Variants in ASF1A observed in about 807,000 individuals in gnomAD.
The protein encoded by ASF1A is anti-silencing function 1A histone chaperone.
In ASF1A, 5 loss-of-function variants were observed where a neutral mutation model predicts 22.0. The observed-to-expected ratio is 0.23, with a 90% CI of 0.12 to 0.48. ASF1A has a LOEUF of 0.48. Among genes scored for constraint, ASF1A ranks in the 20% least tolerant of loss-of-function variants. The probability of loss-of-function intolerance (pLI) is 0.99; values close to 1 mark genes in which losing one functional copy is unlikely to be tolerated. For synonymous variants in ASF1A, 97 were observed against 86.7 expected (o/e 1.12, Z -0.66); for missense variants, 137 against 240.6 (o/e 0.57, Z 2.85).
intron 2 of ASF1A, among the ~76,000 whole-genome samples, chr6:118,904,332 G>T (rs55862415): frequency 1.3e-5 from 2 of 152,304 alleles, no homozygotes; most frequent in Non-Finnish European, 2.9e-5. Flanking sequence ...TCATCTACCT[G>T]TGTTAGGCAT....
intron 1 of ASF1A, among the ~76,000 whole-genome samples, chr6:118,897,133 A>G (rs1779476066): frequency 6.6e-6 from 1 of 152,128 alleles, no homozygotes; most frequent in Non-Finnish European, 1.5e-5. Context: ...CACTGCACCC[A>G]GCCCAAACTA....
rs531556295 is a variant in ASF1A at position 118,906,600 on chromosome 6, G to A, written c.402+772G>A. Among the ~76,000 whole-genome samples the A allele has an allele frequency of 5.3e-5, 8 of 152,214 alleles. No homozygotes were observed. In the South Asian group the frequency reaches 1.5e-3, roughly 28 times the overall value. ...TACGGTTATCTCAAAACACCTATAC[G>A]CTTTATCTGCTATTCTTAGAAGTTA... On this transcript the variant is annotated intron_variant, in intron 3 of 3. Coordinates refer to ENST00000229595, the MANE Select transcript of ASF1A (RefSeq NM_014034.3).
chr6:118,897,139 A>G (rs1447674468), intron 1 of ASF1A, among the ~76,000 whole-genome samples: 1 of 152,124 alleles, frequency 6.6e-6, no homozygotes, highest in Non-Finnish European at 1.5e-5. Context: ...ACCCAGCCCA[A>G]ACTATAGAAT....
chr6:118,895,151 C>T (rs1324275193), intron 1 of ASF1A, among the ~76,000 whole-genome samples: 3 of 152,020 alleles, frequency 2.0e-5, no homozygotes, highest in Non-Finnish European at 2.9e-5. Flanking sequence ...TTTCTGGCTT[C>T]CTCGACCAAC....
intron 3 of ASF1A, among the ~76,000 whole-genome samples, chr6:118,906,520 T>G (rs536394109): frequency 1.4e-4 from 21 of 152,340 alleles, no homozygotes; most frequent in Admixed American, 9.8e-4. Flanking sequence ...GATGATATTT[T>G]TGTGTGTAAC....
intron 3 of ASF1A, among the ~76,000 whole-genome samples, chr6:118,907,148 T>C (rs113777458): frequency 1.5e-3 from 231 of 152,290 alleles, no homozygotes; most frequent in Non-Finnish European, 2.9e-3. Flanking sequence ...AGGAGTTAAA[T>C]AGTTAAAAAG....
intron 3 of ASF1A, among the ~76,000 whole-genome samples, chr6:118,907,104 TGAG>T (rs1250812472): frequency 2.0e-5 from 3 of 152,210 alleles, no homozygotes; most frequent in Admixed American, 6.5e-5. Flanking sequence ...TTTTCAAAAA[TGAG>T]GAGATTCTTT....
chr6:118,898,311 T>A (rs1200154293), intron 1 of ASF1A, among the ~76,000 whole-genome samples: 2 of 152,206 alleles, frequency 1.3e-5, no homozygotes, highest in Non-Finnish European at 2.9e-5. Context: ...AAATTATGGC[T>A]ATGTTCCTAT....
intron 2 of ASF1A, among the ~76,000 whole-genome samples, chr6:118,902,720 C>T (rs1025419732): frequency 3.9e-5 from 6 of 152,110 alleles, no homozygotes; most frequent in African/African-American, 7.2e-5. Flanking sequence ...ACCTTGGTGT[C>T]AGTGTACATG....
At chr6:118,899,546 A>G (rs965513666) in intron 1 of ASF1A, among the ~76,000 whole-genome samples, 2 of 152,182 alleles carry the variant, frequency 1.3e-5, no homozygotes, top group Non-Finnish European at 2.9e-5. Context: ...AGCACCCTGC[A>G]TCTGGAAGTG....
chr6:118,894,315 C>A lies in ASF1A; in HGVS notation c.-99C>A, dbSNP rs1042525363. On this transcript the variant is annotated 5_prime_UTR_variant, in exon 1 of 4. Coordinates refer to ENST00000229595, the MANE Select transcript of ASF1A (RefSeq NM_014034.3). ...TCGCCGCTGCACGACGTCTGGCCGG[C>A]GCTGGAGCGGGGGTCTGCGCTCTCC... The A allele has an allele frequency of 1.5e-4, 222 of 1,508,386 alleles. No homozygotes were observed. The highest frequency in any genetic ancestry group is 8.8e-4 in the Middle Eastern group (5 of 5,652). The allele number at this position is 1,508,386 out of a possible 1,614,324, so 93.4% of individuals were successfully genotyped here.
chr6:118,894,559 C>A, intron 1 of ASF1A, 37 bp downstream of exon 1: 1 of 1,487,542 alleles, frequency 6.7e-7, no homozygotes, highest in Non-Finnish European at 9.1e-7. Context: ...CTGTCAGTTG[C>A]GGGCTGCAGA....
chr6:118,901,240 C>T (rs1779781518), intron 2 of ASF1A, among the ~76,000 whole-genome samples: 1 of 152,166 alleles, frequency 6.6e-6, no homozygotes, highest in Non-Finnish European at 1.5e-5. Context: ...AACATGGATT[C>T]AAAATATCTA....
rs975003720 is a variant in ASF1A, at chr6:118,908,832, A to T, written c.*1218A>T. ...GCAAGACAGCCATATGATGCAGGTT[A>T]TGCAGTGCCTTCATATCTAAAACTT... On this transcript the variant is annotated 3_prime_UTR_variant, in exon 4 of 4. Transcript: ENST00000229595. The T allele has an allele frequency of 1.3e-5, 2 of 152,508 alleles. No individual in the cohort carries two copies. The highest frequency in any genetic ancestry group is 2.9e-5 in the Non-Finnish European group (2 of 68,022). 9.4% of individuals were successfully genotyped at this position (152,508 alleles called of 1,614,324 possible).
chr6:118,902,574 G>T, intron 2 of ASF1A, among the ~76,000 whole-genome samples: 1 of 121,298 alleles, frequency 8.2e-6, no homozygotes. Flanking sequence ...ACAAATAAAT[G>T]CCTTGTTATT....
intron 1 of ASF1A, among the ~76,000 whole-genome samples, chr6:118,899,312 C>T (rs1193487041): frequency 6.6e-6 from 1 of 152,210 alleles, no homozygotes; most frequent in Non-Finnish European, 1.5e-5. Flanking sequence ...CTTATGATGG[C>T]CTTCAAAACC....
chr6:118,896,458 C>T (rs1053448263), intron 1 of ASF1A, among the ~76,000 whole-genome samples: 2 of 152,128 alleles, frequency 1.3e-5, no homozygotes, highest in Non-Finnish European at 2.9e-5. Context: ...GATGTCGTTA[C>T]AGGGCTTTTA....
intron 2 of ASF1A, among the ~76,000 whole-genome samples, chr6:118,902,097 A>G (rs770251139): frequency 6.6e-6 from 1 of 152,246 alleles, no homozygotes; most frequent in Non-Finnish European, 1.5e-5. Context: ...CTAATCAAAT[A>G]TATGAATTAA....
At chr6:118,897,490 T>C (rs934038147) in intron 1 of ASF1A, among the ~76,000 whole-genome samples, 7 of 152,090 alleles carry the variant, frequency 4.6e-5, no homozygotes, top group Non-Finnish European at 1.0e-4. Context: ...TGAATACTTA[T>C]AATATACCAG....
Sources: gnomAD v4.1 joint callset for allele counts (sites outside exome capture counted in the v4.1 genomes callset) on GRCh38, gnomAD v4.1.1 for gene constraint, MANE v1.5 for transcripts, NCBI Gene and HGNC (gene_info 2026-07-23, HGNC 2026-07-21) for gene names.